The following THEMIS2 variants were observed in gnomAD, a reference collection of about 807,000 sequenced individuals.
THEMIS2 encodes protein THEMIS2.
THEMIS2 carries 29 observed loss-of-function variants against 46.8 expected under a neutral mutation model. The observed-to-expected ratio is 0.62, with a 90% confidence interval of 0.46 to 0.84. THEMIS2 has a LOEUF of 0.84. Ranked by LOEUF, THEMIS2 falls within the 40% of genes least tolerant of loss-of-function variation. THEMIS2 has a pLI of 0.00. For missense variants in THEMIS2, 698 were observed against 834.7 expected, an observed-to-expected ratio of 0.84 and a Z score of 2.02; for synonymous variants, 335 against 349.1, an observed-to-expected ratio of 0.96 and a Z score of 0.45.
chr1:27,880,508 A>G (rs1442767743), intron 3 of THEMIS2, among the ~76,000 whole-genome samples: 1 of 152,030 alleles, frequency 6.6e-6, no homozygotes, highest in African/African-American at 2.4e-5. Context: ...TGATGCTCAA[A>G]TTATCTCGGC....
intron 3 of THEMIS2, among the ~76,000 whole-genome samples, chr1:27,881,638 G>T (rs1247010142): frequency 6.6e-6 from 1 of 151,644 alleles, no homozygotes; most frequent in Non-Finnish European, 1.5e-5. Context: ...GACCAGCCTG[G>T]CCAACATGGT....
At position 27,883,317 on chromosome 1, in the gene THEMIS2, C is replaced by T. The variant is rs1411717667; in HGVS notation, c.1719+274C>T. 30 of 447,664 alleles carry T rather than the reference C, an allele frequency of 6.7e-5. No individual in the cohort carries two copies. In the Middle Eastern group the frequency reaches 3.0e-3, roughly 45 times the overall value. 27.7% of individuals were successfully genotyped at this position (447,664 alleles called of 1,614,324 possible). A position where few individuals can be genotyped will look rare whatever the true frequency, so the allele number is the denominator to read the frequency against. On this transcript the variant is annotated intron_variant, in intron 4 of 5. Transcript: ENST00000373921. ...TGGGAGGACTGAACTTGGCCATGGA[C>T]AGTCTAACTCCAAGTTCATGGTGCT...
intron 2 of THEMIS2, among the ~76,000 whole-genome samples, chr1:27,879,408 T>A (rs574249264): frequency 1.2e-4 from 18 of 152,130 alleles, no homozygotes; most frequent in Admixed American, 3.9e-4. Flanking sequence ...TGGTGACAAG[T>A]CTCTCTCGGT....
At position 27,882,484 on chromosome 1, in the gene THEMIS2, G is replaced by A. The variant is rs753819570; in HGVS notation, c.1160G>A (p.Gly387Asp). ...CCTGGCCAGGCCCATGGGGCCCAGG[G>A]CAGTGACGTGGATGTCTTGGTTTGT... ...LGPGQAHGAQGSDVDVLVCQR... is the reference protein window; with the variant it reads ...LGPGQAHGAQDSDVDVLVCQR... Residue 387 changes from glycine (G) to aspartate (D), a missense_variant, in exon 4 of 6, where the codon GGC (glycine) becomes GAC (aspartate). Gly to Asp is a moderately conservative substitution (Grantham distance 94). Transcript: ENST00000373921. The surrounding 1 kb of genome is among the most constrained non-coding windows in gnomAD (Gnocchi z 7.6). The A allele has an allele frequency of 1.9e-6, 3 of 1,613,446 alleles. No individual in the cohort carries two copies. Among genetic ancestry groups the A allele is most frequent in the Middle Eastern group, 1.7e-4 (1 of 6,060 alleles).
intron 2 of THEMIS2, among the ~76,000 whole-genome samples, chr1:27,879,093 A>G (rs1340356577): frequency 6.6e-6 from 1 of 150,948 alleles, no homozygotes; most frequent in African/African-American, 2.4e-5. Flanking sequence ...TATTTAGGCC[A>G]GCTGCTGGCG....
In THEMIS2 at chr1:27,882,513, CGGCTGAGTGACCA is replaced by C; in HGVS notation, c.1195_1207del (p.Ser399GlyfsTer32). On this transcript the variant is annotated frameshift_variant, in exon 4 of 6. Transcript: ENST00000373921. LOFTEE classifies it high-confidence loss of function. This position sits in a 1 kb window ranked among gnomAD's most constrained non-coding sequence, Gnocchi z 7.6. ...TGACGTGGATGTCTTGGTTTGTCAG[CGGCTGAGTGACCA>C]GGCTGGGGAGGATGAGGAGGAAGAG... The C allele has an allele frequency of 1.2e-6, 2 of 1,613,586 alleles. No individual in the cohort carries two copies. The highest frequency in any genetic ancestry group is 1.7e-6 in the Non-Finnish European group (2 of 1,179,598).
In THEMIS2 at chr1:27,880,043, C is replaced by T. The variant is rs772524102; in HGVS notation, c.635C>T (p.Ala212Val). The T allele has an allele frequency of 2.5e-6, 4 of 1,594,652 alleles. No individual in the cohort carries two copies. Among genetic ancestry groups the T allele is most frequent in the Non-Finnish European group, 3.4e-6 (4 of 1,164,898 alleles). The change falls in exon 3 of 6, where the codon GCC becomes GTC. Residue 212 changes from alanine (A) to valine (V), a missense_variant. Coordinates refer to ENST00000373921, the MANE Select transcript of THEMIS2 (RefSeq NM_001105556.3). Reference sequence around the variant, plus strand: ...CTGCGGCCCCAGTATGAGATCCAAGCCATCATGCACAGTGAGTTGCCTGGG... The same window carrying T: ...CTGCGGCCCCAGTATGAGATCCAAGTCATCATGCACAGTGAGTTGCCTGGG... The part of the protein sequence containing the change: ...LILRPQYEIQ[A>V]IMHMRRTIVK...
rs1364758758 is a variant in THEMIS2, at chr1:27,882,721, C to G, written c.1397C>G (p.Thr466Ser). 1 of 1,614,022 alleles carries G rather than the reference C, an allele frequency of 6.2e-7. No homozygotes were observed. Among genetic ancestry groups the G allele is most frequent in the South Asian group, 1.1e-5 (1 of 91,076 alleles). ...KVVAKDTSHPTDPLTSFLGLR... is the reference protein window; with the variant it reads ...KVVAKDTSHPSDPLTSFLGLR... ...GTGGCCAAGGACACCAGCCACCCCA[C>G]TGACCCTCTGACCTCCTTCCTGGGC... The change falls in exon 4 of 6, where the codon ACT becomes AGT. Residue 466 changes from threonine to serine, a missense_variant. Physicochemically the swap from Thr to Ser is moderately conservative, Grantham distance 58. Transcript: ENST00000373921. The surrounding 1 kb of genome is among the most constrained non-coding windows in gnomAD (Gnocchi z 7.6).
At chr1:27,877,492 A>AT (rs539113666) in intron 2 of THEMIS2, among the ~76,000 whole-genome samples, 1,828 of 151,734 alleles carry the variant, frequency 0.012, 19 homozygotes, top group Non-Finnish European at 0.012. Context: ...CACCCAGCTA[A>AT]TTTTTTTTGT....
intron 3 of THEMIS2, among the ~76,000 whole-genome samples, chr1:27,881,435 G>C (rs953038999): frequency 2.0e-5 from 3 of 151,674 alleles, no homozygotes; most frequent in African/African-American, 7.3e-5. Context: ...TGAGCGACAA[G>C]AGCGAGACTC....
intron 3 of THEMIS2, 104 bp downstream of exon 3, chr1:27,880,158 C>A: frequency 7.6e-7 from 1 of 1,316,892 alleles, no homozygotes; most frequent in South Asian, 1.5e-5. Context: ...CCCTGAGGAT[C>A]AGCTGGAACT....
chr1:27,875,145 A>ATTT (rs2089554334), intron 1 of THEMIS2, among the ~76,000 whole-genome samples: 1 of 151,838 alleles, frequency 6.6e-6, no homozygotes, highest in South Asian at 2.1e-4. Context: ...CACTGGGCTA[A>ATTT]TTTTTGTATT....
intron 1 of THEMIS2, among the ~76,000 whole-genome samples, chr1:27,873,757 A>T (rs1209652257): frequency 6.6e-6 from 1 of 152,090 alleles, no homozygotes; most frequent in East Asian, 1.9e-4. Flanking sequence ...CCAGCCCAGG[A>T]CCAAGCGTCT....
At chr1:27,879,614 GA>G in intron 2 of THEMIS2, 29 bp from the exon 3 acceptor site, 1 of 1,544,150 alleles carries the variant, frequency 6.5e-7, no homozygotes, top group Non-Finnish European at 8.8e-7. Context: ...ACCCCACAGT[GA>G]CCTGCCTGCT....
intron 4 of THEMIS2, 83 bp from the exon 5 acceptor site, chr1:27,885,212 C>T: frequency 2.1e-6 from 3 of 1,436,780 alleles, no homozygotes; most frequent in Non-Finnish European, 2.9e-6. Flanking sequence ...GAGGAAGTGA[C>T]ACTTAACGTG....
intron 2 of THEMIS2, among the ~76,000 whole-genome samples, chr1:27,878,449 T>C (rs1289327484): frequency 1.3e-5 from 2 of 151,918 alleles, no homozygotes; most frequent in South Asian, 2.1e-4. Flanking sequence ...CCTCCCAAAG[T>C]GTTGGCATTA....
intron 3 of THEMIS2, among the ~76,000 whole-genome samples, chr1:27,880,780 T>C (rs1221513619): frequency 4.6e-5 from 7 of 152,016 alleles, no homozygotes; most frequent in Non-Finnish European, 1.0e-4. Context: ...GGGCGAGACC[T>C]CATCTCTCTC....
chr1:27,873,482 C>T (rs564991407), intron 1 of THEMIS2, among the ~76,000 whole-genome samples: 2 of 152,044 alleles, frequency 1.3e-5, no homozygotes, highest in Admixed American at 6.5e-5. Context: ...CCTTAGAGAG[C>T]GAACTGAGGC....
chr1:27,885,840 T>A lies in THEMIS2; in HGVS notation c.1877-27T>A, dbSNP rs760089457. Reference sequence around the variant, plus strand: ...GAAGGAACTTGCCTAACGCTAAAGATCCTCATTGACTCGGACTCTTTTGCA... The same window carrying A: ...GAAGGAACTTGCCTAACGCTAAAGAACCTCATTGACTCGGACTCTTTTGCA... On this transcript the variant is annotated intron_variant, in intron 5 of 5. Coordinates refer to ENST00000373921, the MANE Select transcript of THEMIS2 (RefSeq NM_001105556.3). 2.5e-6 allele frequency: 4 copies of A among 1,612,316 alleles called. No homozygotes were observed. The South Asian group carries it at 4.4e-5, about 18-fold the overall frequency.
Sources: gnomAD v4.1 joint callset for allele counts (sites outside exome capture counted in the v4.1 genomes callset) on GRCh38, gnomAD v4.1.1 for gene constraint, Gnocchi (gnomAD v3.1) non-coding constraint, MANE v1.5 for transcripts, NCBI Gene and HGNC (gene_info 2026-07-23, HGNC 2026-07-21) for gene names.